The following ARL13A variants were observed in gnomAD, a reference collection of about 807,000 sequenced individuals.
ARL13A encodes the protein ADP-ribosylation factor-like protein 13A.
A neutral mutation model predicts 19.1 loss-of-function variants in ARL13A; 16 were observed. That is an observed-to-expected ratio of 0.84 (90% CI 0.57 to 1.27). The LOEUF (loss-of-function observed/expected upper bound fraction) is 1.27. Ranked by LOEUF, ARL13A falls within the 50% of genes most tolerant of loss-of-function variation. The pLI is 0.00. For missense variants in ARL13A, 153 were observed against 186.4 expected, an observed-to-expected ratio of 0.82 and a Z score of 1.04; for synonymous variants, 69 against 71.3, an observed-to-expected ratio of 0.97 and a Z score of 0.17.
chrX:100,979,360 T>C (rs1295910810), intron 3 of ARL13A, among the ~76,000 whole-genome samples: 2 of 112,186 alleles, frequency 1.8e-5, no homozygotes, highest in Admixed American at 9.5e-5. Flanking sequence ...GGAAATACTT[T>C]ATTTCTCTTT....
intron 3 of ARL13A, among the ~76,000 whole-genome samples, chrX:100,977,368 TC>T (rs1279385785): frequency 2.6e-5 from 2 of 77,487 alleles, no homozygotes; most frequent in African/African-American, 9.5e-5. Flanking sequence ...TCTACTCTCT[TC>T]TTTTTTTTTT....
intron 7 of ARL13A, among the ~76,000 whole-genome samples, chrX:100,989,478 C>T (rs2085989116): frequency 9.1e-6 from 1 of 109,490 alleles, no homozygotes; most frequent in Non-Finnish European, 1.9e-5. Flanking sequence ...GGCATGGTGG[C>T]GGACGCCTGT....
chrX:100,984,165 G>A lies in ARL13A; in HGVS notation c.131-1502G>A, dbSNP rs977779394. On this transcript the variant is annotated intron_variant, in intron 3 of 7. Coordinates refer to ENST00000450049, the MANE Select transcript of ARL13A (RefSeq NM_001162491.2). ...TTTCACTCTTGTCCCCCATGCTGGA[G>A]TGCAGTGGCGTAATCTCAGCTCACT... Among the ~76,000 whole-genome samples, 7 of 106,897 alleles carry A rather than the reference G, an allele frequency of 6.5e-5. No individual in the cohort carries two copies. The Admixed American group carries it at 7.0e-4, about 11-fold the overall frequency. 92.8% of individuals were successfully genotyped at this position (106,897 alleles called of 115,157 possible).
intron 3 of ARL13A, among the ~76,000 whole-genome samples, 180 bp from the exon 4 acceptor site, chrX:100,985,487 C>A (rs906485933): frequency 6.3e-5 from 7 of 111,325 alleles, no homozygotes; most frequent in Admixed American, 2.9e-4. Context: ...CAGGGTTCAA[C>A]AAATTATTTG....
intron 2 of ARL13A, 88 bp from the exon 3 acceptor site, chrX:100,974,039 C>A: frequency 1.3e-6 from 1 of 784,251 alleles, no homozygotes; most frequent in Non-Finnish European, 1.9e-6. Flanking sequence ...GGCAGAGTCC[C>A]AAACAATAAG....
chrX:100,984,796 C>G (rs1389548664), intron 3 of ARL13A, among the ~76,000 whole-genome samples: 1 of 112,090 alleles, frequency 8.9e-6, no homozygotes, highest in African/African-American at 3.2e-5. Context: ...GAGAAGTCTT[C>G]CTAAACAGTA....
In ARL13A at chrX:100,990,729, A is replaced by G; in HGVS notation, c.*141A>G. Reference sequence around the variant, plus strand: ...AGTCATGGGTGATCAACCAAAACTGAGCCTTAGAAATACAGGGTTCATTTA... The same window carrying G: ...AGTCATGGGTGATCAACCAAAACTGGGCCTTAGAAATACAGGGTTCATTTA... On this transcript the variant is annotated 3_prime_UTR_variant, in exon 8 of 8. Transcript: ENST00000450049. 1.8e-6 allele frequency: 1 copy of G among 561,023 alleles called. No homozygotes were observed. Among genetic ancestry groups the G allele is most frequent in the Non-Finnish European group, 2.8e-6 (1 of 358,011 alleles). The allele number at this position is 561,023 out of a possible 1,213,427, so 46.2% of individuals were successfully genotyped here.
At chrX:100,982,675 T>G (rs2085878501) in intron 3 of ARL13A, among the ~76,000 whole-genome samples, 2 of 93,563 alleles carry the variant, frequency 2.1e-5, no homozygotes, top group Admixed American at 1.3e-4. Flanking sequence ...TGAGACAGAG[T>G]CTCACTCTGT....
In ARL13A at chrX:100,990,660, A is replaced by T; in HGVS notation, c.*72A>T. ...CTTGGTAAAAAAGAACAGAGACTTT[A>T]CATCTTTGTACCGAGATGCTGCTGA... On this transcript the variant is annotated 3_prime_UTR_variant, in exon 8 of 8. Transcript: ENST00000450049. The T allele has an allele frequency of 4.0e-6, 4 of 1,010,732 alleles. No homozygotes were observed. The highest frequency in any genetic ancestry group is 5.5e-6 in the Non-Finnish European group (4 of 733,672). The allele number at this position is 1,010,732 out of a possible 1,213,427, so 83.3% of individuals were successfully genotyped here.
intron 3 of ARL13A, among the ~76,000 whole-genome samples, chrX:100,979,131 T>G (rs1183815381): frequency 8.9e-6 from 1 of 112,257 alleles, no homozygotes; most frequent in Non-Finnish European, 1.9e-5. Flanking sequence ...TTTTAGTCTT[T>G]GTACTCAAGC....
At position 100,976,763 on chromosome X, in the gene ARL13A, T is replaced by C. The variant is rs1009679945; in HGVS notation, c.130+2566T>C. On this transcript the variant is annotated intron_variant, in intron 3 of 7. Transcript: ENST00000450049. ...AGTAGCTGACATTACAGGCATGTGC[T>C]AACTTTTTGTATTTAGTAGAGACAG... Among the ~76,000 whole-genome samples the C allele has an allele frequency of 2.7e-5, 3 of 112,305 alleles. No individual in the cohort carries two copies. In the Admixed American group the frequency reaches 2.8e-4, roughly 11 times the overall value.
At position 100,985,844 on chromosome X, in the gene ARL13A, G is replaced by A. The variant is rs773610188; in HGVS notation, c.308G>A (p.Arg103His). ...GTCCTGGATTCCAGTGACATAAGAC[G>A]CATGCAGGAAGTGAAGATCATCTTA... ...VFVLDSSDIR[R>H]MQEVKIILTH... The change falls in exon 4 of 8, where the codon CGC (arginine) becomes CAC (histidine). Residue 103 changes from arginine (R) to histidine (H), a missense_variant. By Grantham distance (29) the Arg-to-His change is conservative (BLOSUM62 0). Transcript: ENST00000450049. 25 of 1,209,635 alleles carry A rather than the reference G, an allele frequency of 2.1e-5. No individual in the cohort carries two copies. Among genetic ancestry groups the A allele is most frequent in the East Asian group, 1.2e-4 (4 of 33,743 alleles).
chrX:100,987,683 G>T, intron 6 of ARL13A, 127 bp downstream of exon 6: 1 of 723,477 alleles, frequency 1.4e-6, no homozygotes. Flanking sequence ...TGATATCATT[G>T]GCTCAAATGG....
chrX:100,975,696 G>A (rs763175363), intron 3 of ARL13A, among the ~76,000 whole-genome samples: 8 of 105,828 alleles, frequency 7.6e-5, no homozygotes, highest in Admixed American at 6.2e-4. Context: ...GCAGTGGTGC[G>A]ATCTCAGCTC....
intron 3 of ARL13A, among the ~76,000 whole-genome samples, chrX:100,984,785 A>C (rs1031152056): frequency 1.8e-5 from 2 of 112,405 alleles, no homozygotes; most frequent in Non-Finnish European, 3.8e-5. Context: ...TGGACAGACC[A>C]GAGAAGTCTT....
chrX:100,988,006 C>T lies in ARL13A; in HGVS notation c.654-187C>T, dbSNP rs758018484. 3.2e-3 allele frequency among the ~76,000 whole-genome samples: 360 copies of T among 111,377 alleles called. 2 individuals are homozygous for T. Among genetic ancestry groups the T allele is most frequent in the Non-Finnish European group, 3.9e-3 (208 of 53,035 alleles). On this transcript the variant is annotated intron_variant, in intron 6 of 7. Coordinates refer to ENST00000450049, the MANE Select transcript of ARL13A (RefSeq NM_001162491.2). Reference sequence around the variant, plus strand: ...GGAGAGGACAGAAATGTTGAAAAGACGAAAAAGAAAAAGAAAATAGGAGGT... The same window carrying T: ...GGAGAGGACAGAAATGTTGAAAAGATGAAAAAGAAAAAGAAAATAGGAGGT...
intron 3 of ARL13A, among the ~76,000 whole-genome samples, chrX:100,982,814 T>G (rs887812226): frequency 9.1e-6 from 1 of 109,921 alleles, no homozygotes; most frequent in African/African-American, 3.3e-5. Context: ...TAGCATGGAA[T>G]CTGTATCTTA....
intron 3 of ARL13A, among the ~76,000 whole-genome samples, chrX:100,977,443 C>T (rs376783667): frequency 2.7e-4 from 27 of 98,837 alleles, no homozygotes; most frequent in Non-Finnish European, 4.4e-4. Context: ...TGCAGTGGCA[C>T]GATCTCGGCT....
In ARL13A at chrX:100,973,744, C is replaced by T. The variant is rs374188162; in HGVS notation, c.55C>T (p.Arg19Ter). 5.8e-6 allele frequency: 7 copies of T among 1,209,793 alleles called. No individual in the cohort carries two copies. Among genetic ancestry groups the T allele is most frequent in the Admixed American group, 4.3e-5 (2 of 46,064 alleles). The change falls in exon 2 of 8, where the codon CGA becomes TGA. Residue 19 changes from arginine (R) to a stop codon, truncating the protein, a stop_gained. Coordinates refer to ENST00000450049, the MANE Select transcript of ARL13A (RefSeq NM_001162491.2). LOFTEE classifies it high-confidence loss of function. ...TTGCCTAAGGACAACAGAAGAGACACGAAGGTAATATTACAATTATTTCCC... is the reference window on the plus strand; with the variant it reads ...TTGCCTAAGGACAACAGAAGAGACATGAAGGTAATATTACAATTATTTCCC... ...CSCLRTTEET[R>*]RNVTIPIIGL...
Sources: gnomAD v4.1 joint callset for allele counts (sites outside exome capture counted in the v4.1 genomes callset) on GRCh38, gnomAD v4.1.1 for gene constraint, MANE v1.5 for transcripts, NCBI Gene and HGNC (gene_info 2026-07-23, HGNC 2026-07-21) for gene names.